The following MYLK variants were observed in gnomAD, a reference collection of about 807,000 sequenced individuals.
MYLK encodes the protein myosin light chain kinase.
Under a neutral mutation model 203.4 loss-of-function variants are expected in MYLK, and 106 were observed. The ratio of observed to expected loss-of-function variants is 0.52; its 90% confidence interval spans 0.45 to 0.61. The LOEUF (loss-of-function observed/expected upper bound fraction) is 0.61. Ranked by LOEUF, MYLK falls within the 20% of genes least tolerant of loss-of-function variation. The pLI, the probability that MYLK is intolerant of heterozygous loss-of-function variation, is 0.00. For synonymous variants in MYLK, 867 were observed against 959.5 expected, an observed-to-expected ratio of 0.90 and a Z score of 1.78; for missense variants, 2,072 against 2,442.3, an observed-to-expected ratio of 0.85 and a Z score of 3.20.
In MYLK at chr3:123,737,422, T is replaced by C. The variant is rs1576794625; in HGVS notation, c.710A>G (p.Asn237Ser). ...TGACATCGAGGCCTTCCCCGACCCG[T>C]TCACCACCAGGCACGTGTACACTCC... ...DVGVYTCLVVNGSGKASMSAE... is the reference protein window; with the variant it reads ...DVGVYTCLVVSGSGKASMSAE... The change falls in exon 8 of 34, where the codon AAC becomes AGC. Residue 237 changes from asparagine to serine, a missense_variant. Physicochemically the swap from Asn to Ser is conservative, Grantham distance 46. Coordinates refer to ENST00000360304, the MANE Select transcript of MYLK (RefSeq NM_053025.4). 5 of 1,614,128 alleles carry C rather than the reference T, an allele frequency of 3.1e-6. No homozygotes were observed. The highest frequency in any genetic ancestry group is 4.2e-6 in the Non-Finnish European group (5 of 1,180,018).
rs565472186 is a variant in MYLK, at chr3:123,760,190, A to ATGTG, written c.166-7653_166-7652insCACA. Among the ~76,000 whole-genome samples the ATGTG allele has an allele frequency of 7.1e-3, 1,084 of 152,128 alleles. 40 individuals carry two copies. Among genetic ancestry groups the ATGTG allele is most frequent in the Non-Finnish European group, 0.011 (742 of 67,964 alleles). ...TATGTATGTATGTATGTATGTATGT[A>ATGTG]TTTATGAGACAGAGTCTTGCTCTTG... On this transcript the variant is annotated intron_variant, in intron 4 of 33. Transcript: ENST00000360304.
chr3:123,771,489 T>A (rs574154631), intron 4 of MYLK, among the ~76,000 whole-genome samples: 6 of 152,340 alleles, frequency 3.9e-5, no homozygotes, highest in Admixed American at 6.5e-5. Context: ...TGTAATACAA[T>A]CATTTCTCCT....
intron 5 of MYLK, among the ~76,000 whole-genome samples, chr3:123,751,299 CAGA>C (rs1460180634): frequency 6.6e-6 from 1 of 152,160 alleles, no homozygotes; most frequent in East Asian, 1.9e-4. Context: ...TTCAGCATGG[CAGA>C]AGGACACACT....
chr3:123,769,175 T>TA (rs964783115), intron 4 of MYLK, among the ~76,000 whole-genome samples: 8 of 152,052 alleles, frequency 5.3e-5, no homozygotes, highest in East Asian at 1.9e-4. Context: ...TATTTTCCAT[T>TA]AAAAAAATCA....
At chr3:123,839,097 C>T (rs1560280708) in intron 2 of MYLK, among the ~76,000 whole-genome samples, 6 of 151,614 alleles carry the variant, frequency 4.0e-5, no homozygotes. Context: ...CCACCTTAAA[C>T]AAAACAAAAC....
chr3:123,760,633 G>C (rs2063505600), intron 4 of MYLK, among the ~76,000 whole-genome samples: 1 of 151,980 alleles, frequency 6.6e-6, no homozygotes, highest in South Asian at 2.1e-4. Flanking sequence ...TCTGTTAATG[G>C]CATGAAACTA....
chr3:123,784,825 A>G (rs896382773), intron 4 of MYLK, among the ~76,000 whole-genome samples: 1 of 152,174 alleles, frequency 6.6e-6, no homozygotes, highest in African/African-American at 2.4e-5. Context: ...ATCTCCCTGA[A>G]TGAGGGGGCG....
intron 5 of MYLK, among the ~76,000 whole-genome samples, chr3:123,749,484 A>C (rs1339059999): frequency 1.3e-5 from 2 of 152,214 alleles, no homozygotes; most frequent in East Asian, 3.9e-4. Context: ...ACCAAGGCTG[A>C]TTTCCATCAT....
intron 11 of MYLK, 33 bp from the exon 12 acceptor site, chr3:123,726,111 A>G: frequency 6.2e-7 from 1 of 1,613,374 alleles, no homozygotes; most frequent in Non-Finnish European, 8.5e-7. Context: ...AGCTCAGATC[A>G]CAGCTTGCCC....
intron 20 of MYLK, among the ~76,000 whole-genome samples, chr3:123,675,873 T>G (rs1435633264): frequency 6.6e-6 from 1 of 152,166 alleles, no homozygotes; most frequent in Non-Finnish European, 1.5e-5. Flanking sequence ...CTGTATACGC[T>G]GGTCTCATCC....
At chr3:123,780,906 G>C (rs1051671014) in intron 4 of MYLK, among the ~76,000 whole-genome samples, 5 of 152,144 alleles carry the variant, frequency 3.3e-5, no homozygotes, top group African/African-American at 1.2e-4. Flanking sequence ...TAAAGCCAAA[G>C]ATACACAGTA....
chr3:123,769,478 C>T (rs1028274494), intron 4 of MYLK, among the ~76,000 whole-genome samples: 1 of 152,224 alleles, frequency 6.6e-6, no homozygotes, highest in African/African-American at 2.4e-5. Context: ...CTGAACTTGT[C>T]TCCACACTCA....
chr3:123,760,353 T>G (rs1235950742), intron 4 of MYLK, among the ~76,000 whole-genome samples: 1 of 152,078 alleles, frequency 6.6e-6, no homozygotes, highest in Non-Finnish European at 1.5e-5. Context: ...TAATTTTGTA[T>G]TTTTAGTTAA....
intron 6 of MYLK, 55 bp from the exon 7 acceptor site, chr3:123,739,117 C>G: frequency 6.3e-7 from 1 of 1,579,134 alleles, no homozygotes; most frequent in East Asian, 2.2e-5. Flanking sequence ...ATTCAACCAT[C>G]CTCTCTCCAC....
At chr3:123,800,087 T>C (rs1203879379) in intron 3 of MYLK, 1 of 152,216 alleles carries the variant, frequency 6.6e-6, no homozygotes, top group East Asian at 1.9e-4. Context: ...TCTGTTGTTC[T>C]AATCCGCCCA....
chr3:123,752,487 T>C lies in MYLK; in HGVS notation c.217A>G (p.Ile73Val), dbSNP rs2063228451. ...AGCAGGAAGCGGCCCCCGCTGGTGATGGGTTGCCCGTTTCTGTGCCATGTC... is the reference window on the plus strand; with the variant it reads ...AGCAGGAAGCGGCCCCCGCTGGTGACGGGTTGCCCGTTTCTGTGCCATGTC... ...QVTWHRNGQP[I>V]TSGGRFLLDC... Residue 73 changes from isoleucine (I) to valine (V), a missense_variant, in exon 5 of 34, where the codon ATC (isoleucine) becomes GTC (valine). By Grantham distance (29) the Ile-to-Val change is conservative (BLOSUM62 3). Coordinates refer to ENST00000360304, the MANE Select transcript of MYLK (RefSeq NM_053025.4). 3.7e-6 allele frequency: 6 copies of C among 1,614,158 alleles called. No homozygotes were observed. The highest frequency in any genetic ancestry group is 5.1e-6 in the Non-Finnish European group (6 of 1,180,034).
chr3:123,861,620 A>T (rs2031933097), intron 2 of MYLK, among the ~76,000 whole-genome samples: 1 of 152,202 alleles, frequency 6.6e-6, no homozygotes, highest in Non-Finnish European at 1.5e-5. Flanking sequence ...GGCCATTTAC[A>T]TCTGGCATAT....
intron 1 of MYLK, among the ~76,000 whole-genome samples, chr3:123,881,900 T>C (rs1408738930): frequency 6.6e-6 from 1 of 152,158 alleles, no homozygotes; most frequent in Non-Finnish European, 1.5e-5. Context: ...CCTCCTTCTC[T>C]GACAAGCCTT....
chr3:123,823,668 A>C (rs2066012998), intron 3 of MYLK, among the ~76,000 whole-genome samples: 1 of 152,108 alleles, frequency 6.6e-6, no homozygotes, highest in Admixed American at 6.5e-5. Context: ...GCTCCCTCAC[A>C]CAGTCAGATT....
Sources: gnomAD v4.1 joint callset for allele counts (sites outside exome capture counted in the v4.1 genomes callset) on GRCh38, gnomAD v4.1.1 for gene constraint, MANE v1.5 for transcripts, NCBI Gene and HGNC (gene_info 2026-07-23, HGNC 2026-07-21) for gene names.